Variants in SLC9B2 observed in about 807,000 individuals in gnomAD.
SLC9B2 encodes the protein sodium/hydrogen exchanger 9B2.
Under a neutral mutation model 52.2 loss-of-function variants are expected in SLC9B2, and 39 were observed. The ratio of observed to expected loss-of-function variants is 0.75; its 90% confidence interval spans 0.58 to 0.98. The LOEUF is 0.98. SLC9B2 is among the 50% of genes least tolerant of loss of function. The probability of loss-of-function intolerance (pLI) is 0.00; values close to 1 mark genes in which losing one functional copy is unlikely to be tolerated. For synonymous variants in SLC9B2, 214 were observed against 227.0 expected, an observed-to-expected ratio of 0.94 and a Z score of 0.51; for missense variants, 626 against 637.5, an observed-to-expected ratio of 0.98 and a Z score of 0.19.
chr4:103,072,768 G>A (rs1273120018), intron 1 of SLC9B2, among the ~76,000 whole-genome samples: 1 of 152,114 alleles, frequency 6.6e-6, no homozygotes, highest in East Asian at 1.9e-4. Flanking sequence ...ACATTTAAAG[G>A]AGTAATCTTA....
At position 103,031,762 on chromosome 4, in the gene SLC9B2, G is replaced by A; in HGVS notation, c.1193C>T (p.Pro398Leu). 2.5e-6 allele frequency: 4 copies of A among 1,612,636 alleles called. No homozygotes were observed. Among genetic ancestry groups the A allele is most frequent in the Non-Finnish European group, 3.4e-6 (4 of 1,179,170 alleles). The change falls in exon 10 of 12, where the codon CCC becomes CTC. Residue 398 changes from proline (P) to leucine (L), a missense_variant. Physicochemically the swap from Pro to Leu is moderately conservative, Grantham distance 98. Coordinates refer to ENST00000394785, the MANE Select transcript of SLC9B2 (RefSeq NM_178833.7). Reference sequence around the variant, plus strand: ...TGCTCCAATTAGTCCAAAAAGAAGGGGCTGAAAAATGTCCCAGGCAACTGC... The same window carrying A: ...TGCTCCAATTAGTCCAAAAAGAAGGAGCTGAAAAATGTCCCAGGCAACTGC... ...IIAVAWDIFQ[P>L]LLFGLIGAEV...
At chr4:103,039,968 G>T (rs1743499037) in intron 9 of SLC9B2, among the ~76,000 whole-genome samples, 1 of 151,840 alleles carries the variant, frequency 6.6e-6, no homozygotes, top group Non-Finnish European at 1.5e-5. Context: ...TTCTTATCCT[G>T]GCTCTGTCAC....
At chr4:103,030,933 T>G (rs79408065) in intron 10 of SLC9B2, among the ~76,000 whole-genome samples, 358 of 152,242 alleles carry the variant, frequency 2.4e-3, no homozygotes, top group African/African-American at 8.1e-3. Flanking sequence ...AGGGTTAGTC[T>G]TTTTCTGACT....
intron 9 of SLC9B2, among the ~76,000 whole-genome samples, chr4:103,036,289 C>T (rs914576047): frequency 2.6e-5 from 4 of 152,088 alleles, no homozygotes; most frequent in Non-Finnish European, 5.9e-5. Flanking sequence ...AACCAAATAC[C>T]ACAGTTATCA....
intron 4 of SLC9B2, among the ~76,000 whole-genome samples, chr4:103,053,928 C>T (rs1326605918): frequency 2.0e-5 from 3 of 152,086 alleles, no homozygotes; most frequent in African/African-American, 7.2e-5. Flanking sequence ...TAGTCTTGAT[C>T]TCCTGACCTC....
chr4:103,049,342 G>A (rs529909135), intron 5 of SLC9B2, among the ~76,000 whole-genome samples: 107 of 152,272 alleles, frequency 7.0e-4, no homozygotes, highest in Non-Finnish European at 9.6e-4. Flanking sequence ...ACCCAGGCAG[G>A]CTGCTTTCAG....
chr4:103,070,192 A>T (rs1746492191), intron 1 of SLC9B2, among the ~76,000 whole-genome samples: 1 of 152,246 alleles, frequency 6.6e-6, no homozygotes. Flanking sequence ...CTAAAAGACC[A>T]TTTAAAATGC....
intron 6 of SLC9B2, 36 bp from the exon 7 acceptor site, chr4:103,047,262 T>A: frequency 6.5e-7 from 1 of 1,541,342 alleles, no homozygotes; most frequent in African/African-American, 1.4e-5. Context: ...TATGATAACA[T>A]CTTACTTATT....
intron 1 of SLC9B2, among the ~76,000 whole-genome samples, chr4:103,073,455 C>G (rs893866283): frequency 6.6e-6 from 1 of 152,138 alleles, no homozygotes; most frequent in African/African-American, 2.4e-5. Context: ...GAGCCCTACC[C>G]AGCAATGAGG....
chr4:103,036,894 A>G (rs897459270), intron 9 of SLC9B2, among the ~76,000 whole-genome samples: 1 of 152,174 alleles, frequency 6.6e-6, no homozygotes, highest in African/African-American at 2.4e-5. Flanking sequence ...CAATTACACA[A>G]TTTAAGGATC....
intron 3 of SLC9B2, among the ~76,000 whole-genome samples, chr4:103,062,803 G>C (rs1475935279): frequency 6.6e-6 from 1 of 152,074 alleles, no homozygotes; most frequent in Non-Finnish European, 1.5e-5. Context: ...GTGGAGATGA[G>C]GTTTCACTAT....
In SLC9B2 at chr4:103,067,576, G is replaced by A; in HGVS notation, c.-26C>T. The A allele has an allele frequency of 6.5e-7, 1 of 1,535,790 alleles. No homozygotes were observed. The highest frequency in any genetic ancestry group is 1.4e-5 in the African/African-American group (1 of 73,438). The stretch of plus-strand genomic sequence containing the variant: ...TATTTATAATTAAGAAGATGACACA[G>A]GGAAGAGGAACGAGATCTGTTTTGA... On this transcript the variant is annotated 5_prime_UTR_variant, in exon 2 of 12. Coordinates refer to ENST00000394785, the MANE Select transcript of SLC9B2 (RefSeq NM_178833.7).
At chr4:103,030,011 T>C (rs1159627777) in intron 10 of SLC9B2, among the ~76,000 whole-genome samples, 1 of 152,170 alleles carries the variant, frequency 6.6e-6, no homozygotes, top group Non-Finnish European at 1.5e-5. Flanking sequence ...TTCTTCAAGG[T>C]TGGAAAGTAT....
intron 4 of SLC9B2, among the ~76,000 whole-genome samples, chr4:103,057,301 C>CACACAT (rs1745236974): frequency 2.7e-5 from 4 of 149,658 alleles, no homozygotes; most frequent in African/African-American, 1.0e-4. Flanking sequence ...TATATACACA[C>CACACAT]ACACACACAC....
chr4:103,068,151 T>C (rs1746310161), intron 1 of SLC9B2, among the ~76,000 whole-genome samples: 1 of 152,196 alleles, frequency 6.6e-6, no homozygotes, highest in Non-Finnish European at 1.5e-5. Flanking sequence ...TTGTGGGCAA[T>C]TCAAAGATTA....
At chr4:103,063,130 A>T (rs984034981) in intron 3 of SLC9B2, among the ~76,000 whole-genome samples, 1 of 152,226 alleles carries the variant, frequency 6.6e-6, no homozygotes, top group African/African-American at 2.4e-5. Flanking sequence ...TCCTTATGTC[A>T]GTCCATATCT....
chr4:103,052,362 G>A (rs937597693), intron 4 of SLC9B2, among the ~76,000 whole-genome samples: 2 of 152,330 alleles, frequency 1.3e-5, no homozygotes, highest in African/African-American at 2.4e-5. Context: ...ACGGCCCGGG[G>A]CTTGGGCACC....
At chr4:103,039,997 T>C (rs1393553282) in intron 9 of SLC9B2, among the ~76,000 whole-genome samples, 1 of 152,116 alleles carries the variant, frequency 6.6e-6, no homozygotes, top group Non-Finnish European at 1.5e-5. Flanking sequence ...TGTCCTTATT[T>C]TTGACCTTCG....
In SLC9B2 at chr4:103,043,295, C is replaced by T. The variant is rs1189220734; in HGVS notation, c.1146+1G>A. 6.3e-7 allele frequency: 1 copy of T among 1,597,424 alleles called. No individual in the cohort carries two copies. The highest frequency in any genetic ancestry group is 1.4e-5 in the African/African-American group (1 of 74,046). On this transcript the variant is annotated splice_donor_variant, in intron 9 of 11. Transcript: ENST00000394785. LOFTEE classifies it high-confidence loss of function. ...GCAGAAAAACTTAAAATGAAATTCA[C>T]CTTTTCGCTGGTCCATCCCATGCCT...
Sources: allele counts gnomAD v4.1 joint callset (sites outside exome capture counted in the v4.1 genomes callset), GRCh38; gene constraint gnomAD v4.1.1; transcripts MANE v1.5; gene names NCBI Gene and HGNC (gene_info 2026-07-23, HGNC 2026-07-21).